The following TLN2 variants were observed in gnomAD, a reference collection of about 807,000 sequenced individuals.
TLN2 encodes the protein talin 2.
In TLN2, 118 loss-of-function variants were observed where a neutral mutation model predicts 294.7. The observed-to-expected ratio is 0.40, with a 90% CI of 0.34 to 0.47. TLN2 has a LOEUF of 0.47. TLN2 is among the 20% of genes least tolerant of loss of function. The pLI is 0.84. For missense variants in TLN2, 3,083 were observed against 3,282.2 expected (o/e 0.94, Z 1.48); for synonymous variants, 1,431 against 1,304.5 (o/e 1.10, Z -2.09).
At chr15:62,832,260 T>C (rs530643686) in intron 54 of TLN2, 2 of 152,254 alleles carry the variant, frequency 1.3e-5, no homozygotes, top group South Asian at 4.1e-4. Flanking sequence ...TAAAATTGGA[T>C]AAAAGGGTAA....
At chr15:62,622,775 A>G (rs928245863) in intron 3 of TLN2, among the ~76,000 whole-genome samples, 2 of 152,186 alleles carry the variant, frequency 1.3e-5, no homozygotes, top group South Asian at 4.1e-4. Context: ...TAAAAGAGGG[A>G]AAAGCTTCCT....
At chr15:62,724,304 A>G (rs1346468068) in intron 26 of TLN2, among the ~76,000 whole-genome samples, 2 of 152,200 alleles carry the variant, frequency 1.3e-5, no homozygotes, top group African/African-American at 4.8e-5. Flanking sequence ...TGCTGTTATT[A>G]CTATCATCTA....
intron 3 of TLN2, among the ~76,000 whole-genome samples, chr15:62,636,426 G>C (rs1427991065): frequency 7.9e-5 from 12 of 152,084 alleles, no homozygotes; most frequent in Non-Finnish European, 5.9e-5. Flanking sequence ...GATGGACTTT[G>C]AGTCTACACA....
chr15:62,481,798 CTTTTTTTTT>C (rs60002079), intron 1 of TLN2, among the ~76,000 whole-genome samples: 5 of 115,746 alleles, frequency 4.3e-5, no homozygotes, highest in African/African-American at 1.8e-4. Context: ...TTCTTTCTTT[CTTTTTTTTT>C]TTTTTTTTAA....
intron 1 of TLN2, among the ~76,000 whole-genome samples, chr15:62,581,667 A>C (rs765323568): frequency 2.6e-5 from 4 of 152,178 alleles, no homozygotes; most frequent in Admixed American, 6.5e-5. Flanking sequence ...GGAAGGCATA[A>C]ATGTAAAATA....
intron 42 of TLN2, among the ~76,000 whole-genome samples, chr15:62,775,301 G>T (rs527969727): frequency 6.6e-6 from 1 of 152,068 alleles, no homozygotes; most frequent in Non-Finnish European, 1.5e-5. Context: ...CCTTCTGTAC[G>T]AATAAAAATG....
intron 46 of TLN2, among the ~76,000 whole-genome samples, chr15:62,795,254 G>C (rs143499499): frequency 6.6e-6 from 1 of 152,148 alleles, no homozygotes; most frequent in Non-Finnish European, 1.5e-5. Context: ...CAGGCAGAGC[G>C]CAGACCCAGG....
chr15:62,425,951 CTT>C (rs1331158068), intron 1 of TLN2, among the ~76,000 whole-genome samples: 1 of 152,222 alleles, frequency 6.6e-6, no homozygotes, highest in African/African-American at 2.4e-5. Context: ...AACCACCACT[CTT>C]TTGTTTGTGG....
intron 1 of TLN2, among the ~76,000 whole-genome samples, chr15:62,468,091 T>A (rs1331441119): frequency 1.3e-5 from 2 of 152,178 alleles, no homozygotes; most frequent in African/African-American, 4.8e-5. Context: ...ATTGGAAAGC[T>A]GTTGCGAAGG....
intron 28 of TLN2, among the ~76,000 whole-genome samples, chr15:62,735,264 C>A (rs905665777): frequency 4.6e-5 from 7 of 152,190 alleles, no homozygotes; most frequent in Admixed American, 3.9e-4. Context: ...TGTGTCCTGG[C>A]ATCTCCAGTC....
intron 22 of TLN2, among the ~76,000 whole-genome samples, chr15:62,716,082 C>G (rs2059753380): frequency 1.3e-5 from 2 of 152,186 alleles, no homozygotes; most frequent in African/African-American, 4.8e-5. Flanking sequence ...GTATGGACAA[C>G]CAAGGCAATG....
At chr15:62,402,806 C>A (rs926170195) in intron 1 of TLN2, among the ~76,000 whole-genome samples, 11 of 152,184 alleles carry the variant, frequency 7.2e-5, no homozygotes, top group Admixed American at 6.5e-4. Flanking sequence ...TACTAACCTA[C>A]CAGCACACAC....
chr15:62,762,763 C>T (rs2062755100), intron 39 of TLN2, among the ~76,000 whole-genome samples: 1 of 152,092 alleles, frequency 6.6e-6, no homozygotes, highest in African/African-American at 2.4e-5. Flanking sequence ...GGGTAATATC[C>T]CCAAGGTCAC....
intron 20 of TLN2, 53 bp from the exon 21 acceptor site, chr15:62,708,449 G>C (rs2059208397): frequency 6.3e-7 from 1 of 1,579,784 alleles, no homozygotes; most frequent in African/African-American, 1.3e-5. Context: ...GGCACATGGA[G>C]AGGGACCAGG....
intron 9 of TLN2, among the ~76,000 whole-genome samples, chr15:62,670,147 G>A (rs539790317): frequency 2.6e-5 from 4 of 152,130 alleles, no homozygotes; most frequent in Non-Finnish European, 5.9e-5. Context: ...GCTCTGAGAG[G>A]GCTTGACATG....
chr15:62,428,131 T>G (rs767583916), intron 1 of TLN2, among the ~76,000 whole-genome samples: 4 of 152,238 alleles, frequency 2.6e-5, no homozygotes, highest in Non-Finnish European at 5.9e-5. Context: ...GAGATTGATT[T>G]ATTTATTGGA....
intron 2 of TLN2, among the ~76,000 whole-genome samples, chr15:62,595,265 C>T (rs1192691920): frequency 1.3e-5 from 2 of 151,890 alleles, no homozygotes; most frequent in East Asian, 1.9e-4. Flanking sequence ...ACTGAAAATA[C>T]AAAAATTAAC....
chr15:62,564,919 A>C (rs369207071), intron 1 of TLN2, among the ~76,000 whole-genome samples: 1 of 112,236 alleles, frequency 8.9e-6, no homozygotes, highest in Admixed American at 8.9e-5. Context: ...AAAAAAAAAA[A>C]AAAAAAATAT....
intron 28 of TLN2, among the ~76,000 whole-genome samples, chr15:62,730,242 G>A (rs184838942): frequency 5.3e-5 from 8 of 151,956 alleles, no homozygotes; most frequent in South Asian, 4.2e-4. Flanking sequence ...GGGTTTCACC[G>A]TGTTGGCCAG....
Sources: gnomAD v4.1 joint callset for allele counts (sites outside exome capture counted in the v4.1 genomes callset) on GRCh38, gnomAD v4.1.1 for gene constraint, MANE v1.5 for transcripts, NCBI Gene and HGNC (gene_info 2026-07-23, HGNC 2026-07-21) for gene names.